The following TRIM67 variants were observed in gnomAD, a reference collection of about 807,000 sequenced individuals.
TRIM67 encodes the protein tripartite motif-containing protein 67.
In TRIM67, 39 loss-of-function variants were observed where a neutral mutation model predicts 71.0. The observed-to-expected ratio is 0.55, with a 90% confidence interval of 0.43 to 0.72. TRIM67 has a LOEUF of 0.72. TRIM67 is among the 30% of genes least tolerant of loss of function. The probability of loss-of-function intolerance (pLI) is 0.00; values close to 1 mark genes in which losing one functional copy is unlikely to be tolerated. For synonymous variants in TRIM67, 481 were observed against 473.9 expected, an observed-to-expected ratio of 1.01 and a Z score of -0.19; for missense variants, 973 against 1,079.2, an observed-to-expected ratio of 0.90 and a Z score of 1.38.
intron 1 of TRIM67, among the ~76,000 whole-genome samples, chr1:231,169,209 A>C (rs1382874359): frequency 6.6e-6 from 1 of 151,694 alleles, no homozygotes; most frequent in Non-Finnish European, 1.5e-5. Context: ...ATGTGCCACC[A>C]CACCCAGCTA....
In TRIM67 at chr1:231,209,474, C is replaced by T. The variant is rs373496843; in HGVS notation, c.2123+224C>T. On this transcript the variant is annotated intron_variant, in intron 8 of 9. Coordinates refer to ENST00000366653, the MANE Select transcript of TRIM67 (RefSeq NM_001004342.5). This position sits in a 1 kb window ranked among gnomAD's most constrained non-coding sequence, Gnocchi z 4.1. ...TATGGTGACTCTCACAGCACCCGCA[C>T]AGATGGGTCTCCCAAGTTACCCAGC... is the stretch of plus-strand genomic sequence containing the variant. Among the ~76,000 whole-genome samples the T allele has an allele frequency of 2.0e-5, 3 of 152,234 alleles. No homozygotes were observed. Among genetic ancestry groups the T allele is most frequent in the Non-Finnish European group, 2.9e-5 (2 of 68,032 alleles).
chr1:231,196,628 C>T (rs1007020882), intron 1 of TRIM67, among the ~76,000 whole-genome samples: 2 of 151,922 alleles, frequency 1.3e-5, no homozygotes, highest in Non-Finnish European at 2.9e-5. Context: ...GTTTTAAAGA[C>T]AAATTCAATT....
chr1:231,202,836 AAG>A (rs939045394), intron 5 of TRIM67, among the ~76,000 whole-genome samples: 1 of 152,134 alleles, frequency 6.6e-6, no homozygotes, highest in Admixed American at 6.5e-5. Context: ...GCTGCAGTGG[AAG>A]AGAGAGGTCC....
At chr1:231,193,510 CT>C (rs2102741924) in intron 1 of TRIM67, among the ~76,000 whole-genome samples, 1 of 123,700 alleles carries the variant, frequency 8.1e-6, no homozygotes, top group South Asian at 3.0e-4. Context: ...CAAGCTCTCT[CT>C]CTCTCTCTCT....
chr1:231,163,502 G>A lies in TRIM67; in HGVS notation c.533G>A (p.Arg178His), dbSNP rs1017085909. 2 of 1,518,840 alleles carry A rather than the reference G, an allele frequency of 1.3e-6. No homozygotes were observed. The highest frequency in any genetic ancestry group is 1.8e-6 in the Non-Finnish European group (2 of 1,139,440). 94.1% of individuals were successfully genotyped at this position (1,518,840 alleles called of 1,614,324 possible). Residue 178 changes from arginine (R) to histidine (H), a missense_variant, in exon 1 of 10, where the codon CGC (arginine) becomes CAC (histidine). By Grantham distance (29) the Arg-to-His change is conservative. Around this residue, in one of 2 missense-constraint regions of TRIM67, gnomAD observed 795 missense variants for 831.3 expected, o/e 0.96. Transcript: ENST00000366653. ...CACCGCGGCCTGCGCGGCTTCCAGC[G>A]CAACCGGCTGCTCGAGGCCATCGTG... The part of the protein sequence containing the change: ...LDHRGLRGFQ[R>H]NRLLEAIVQR...
chr1:231,178,056 G>A (rs1682802610), intron 1 of TRIM67, among the ~76,000 whole-genome samples: 1 of 152,172 alleles, frequency 6.6e-6, no homozygotes, highest in Admixed American at 6.5e-5. Flanking sequence ...GAGGAATTAT[G>A]CATTTTCCAG....
chr1:231,209,327 C>G lies in TRIM67; in HGVS notation c.2123+77C>G, dbSNP rs1239101636. 7.1e-7 allele frequency: 1 copy of G among 1,418,074 alleles called. No homozygotes were observed. Among genetic ancestry groups the G allele is most frequent in the East Asian group, 2.5e-5 (1 of 40,092 alleles). 87.8% of individuals were successfully genotyped at this position (1,418,074 alleles called of 1,614,324 possible). A position where few individuals can be genotyped will look rare whatever the true frequency, so the allele number is the denominator to read the frequency against. On this transcript the variant is annotated intron_variant, in intron 8 of 9. Transcript: ENST00000366653. This position sits in a 1 kb window ranked among gnomAD's most constrained non-coding sequence, Gnocchi z 4.1. ...AGGGTCCTGAAGACCAGTGTCCCTTCTGCTGTCCCCAAAGCCAGGAGGAAT... is the reference window on the plus strand; with the variant it reads ...AGGGTCCTGAAGACCAGTGTCCCTTGTGCTGTCCCCAAAGCCAGGAGGAAT...
Position 231,213,966 on chromosome 1 carries a change from C to T in TRIM67, c.2275C>T (p.Arg759Cys), listed in dbSNP as rs767002959. 1.9e-5 allele frequency: 30 copies of T among 1,611,168 alleles called. No homozygotes were observed. The highest frequency in any genetic ancestry group is 3.3e-4 in the Middle Eastern group (2 of 6,062). ...CTTCATGCCAGCCCTCAGCCTCAAC[C>T]GCAACGTGCAGGTACACACCTCCCC... The part of the protein sequence containing the change: ...GVFMPALSLN[R>C]NVQVTLHTGL... Residue 759 changes from arginine (R) to cysteine (C), a missense_variant, in exon 9 of 10, where the codon CGC becomes TGC. By Grantham distance (180) the Arg-to-Cys change is radical. Around this residue, in one of 2 missense-constraint regions of TRIM67, gnomAD observed 178 missense variants for 247.9 expected, o/e 0.72. Transcript: ENST00000366653.
intron 1 of TRIM67, among the ~76,000 whole-genome samples, chr1:231,168,907 T>A (rs1682547954): frequency 6.6e-6 from 1 of 152,200 alleles, no homozygotes; most frequent in South Asian, 2.1e-4. Context: ...GGGCCTGAAG[T>A]CTACAACTCT....
intron 1 of TRIM67, among the ~76,000 whole-genome samples, chr1:231,173,123 G>A (rs1056770345): frequency 1.3e-5 from 2 of 152,136 alleles, no homozygotes; most frequent in Non-Finnish European, 2.9e-5. Flanking sequence ...TGAGACCACC[G>A]ATGGAATTTT....
chr1:231,211,469 AT>A (rs1280535941), intron 8 of TRIM67, among the ~76,000 whole-genome samples: 11 of 152,162 alleles, frequency 7.2e-5, no homozygotes, highest in Non-Finnish European at 1.0e-4. Context: ...GGTTGGACTC[AT>A]TCCTGCACCT....
intron 1 of TRIM67, among the ~76,000 whole-genome samples, chr1:231,189,117 G>A (rs577332519): frequency 1.3e-5 from 2 of 152,262 alleles, no homozygotes; most frequent in South Asian, 2.1e-4. Context: ...ACTAGCCTCC[G>A]GGCTCTGAGC....
chr1:231,199,800 A>T (rs116517286), intron 3 of TRIM67, among the ~76,000 whole-genome samples: 183 of 152,364 alleles, frequency 1.2e-3, no homozygotes, highest in African/African-American at 4.0e-3. Flanking sequence ...GGCTAGGACC[A>T]TTGCATTATC....
chr1:231,215,259 G>T (rs1683984600), intron 9 of TRIM67, 116 bp from the exon 10 acceptor site: 1 of 1,432,984 alleles, frequency 7.0e-7, no homozygotes, highest in African/African-American at 1.4e-5. Flanking sequence ...CTGAGCTATT[G>T]CATGGATGGC....
chr1:231,194,330 G>T (rs1185527480), intron 1 of TRIM67, among the ~76,000 whole-genome samples: 25 of 152,212 alleles, frequency 1.6e-4, no homozygotes, highest in Admixed American at 1.5e-3. Flanking sequence ...GCCTCCTTTT[G>T]AGGGTGAGTA....
At chr1:231,186,714 TG>T (rs1308521050) in intron 1 of TRIM67, among the ~76,000 whole-genome samples, 1 of 152,214 alleles carries the variant, frequency 6.6e-6, no homozygotes, top group Non-Finnish European at 1.5e-5. Flanking sequence ...TCTGAGGTGC[TG>T]GGGGTTAGGA....
At chr1:231,212,807 C>T (rs1002734088) in intron 8 of TRIM67, among the ~76,000 whole-genome samples, 2 of 152,162 alleles carry the variant, frequency 1.3e-5, no homozygotes, top group Non-Finnish European at 2.9e-5. Context: ...CCCTTGGGAG[C>T]ATGTTCCTTA....
At position 231,216,940 on chromosome 1, in the gene TRIM67, T is replaced by G. The variant is rs1025066953; in HGVS notation, c.*1500T>G. 8.0e-5 allele frequency: 79 copies of G among 985,612 alleles called. No individual in the cohort carries two copies. Among genetic ancestry groups the G allele is most frequent in the Non-Finnish European group, 9.0e-5 (75 of 829,958 alleles). 61.1% of individuals were successfully genotyped at this position (985,612 alleles called of 1,614,324 possible). Reference sequence around the variant, plus strand: ...CTCTCCTTTTAAAAAGAATATATTTTGTCAAGCATTTTATTTCTGAGGCTG... The same window carrying G: ...CTCTCCTTTTAAAAAGAATATATTTGGTCAAGCATTTTATTTCTGAGGCTG... On this transcript the variant is annotated 3_prime_UTR_variant, in exon 10 of 10. Transcript: ENST00000366653.
intron 1 of TRIM67, chr1:231,186,298 A>G (rs1683074048): frequency 1.3e-6 from 1 of 770,486 alleles, no homozygotes; most frequent in Non-Finnish European, 2.1e-6. Context: ...AACAGGACAA[A>G]TCGGGCCTGA....
Sources: gnomAD v4.1 joint callset for allele counts (sites outside exome capture counted in the v4.1 genomes callset) on GRCh38, gnomAD v4.1.1 for gene constraint, gnomAD v4.1.1 regional missense constraint, Gnocchi (gnomAD v3.1) non-coding constraint, MANE v1.5 for transcripts, NCBI Gene and HGNC (gene_info 2026-07-23, HGNC 2026-07-21) for gene names.